The following TRPV1 variants were observed in gnomAD, a reference collection of about 807,000 sequenced individuals.
The protein encoded by TRPV1 is transient receptor potential cation channel subfamily V member 1, also known as OTRPC1.
Under a neutral mutation model 82.3 loss-of-function variants are expected in TRPV1, and 82 were observed. The observed-to-expected ratio is 1.00, with a 90% CI of 0.83 to 1.20. The LOEUF (loss-of-function observed/expected upper bound fraction) is 1.20. TRPV1 is among the 50% of genes most tolerant of loss of function. The pLI is 0.00. For synonymous variants in TRPV1, 515 were observed against 467.7 expected (o/e 1.10, Z -1.30); for missense variants, 1,067 against 1,096.8 (o/e 0.97, Z 0.38).
chr17:3,605,393 C>G (rs1179398820), intron 2 of TRPV1, among the ~76,000 whole-genome samples: 1 of 151,962 alleles, frequency 6.6e-6, no homozygotes, highest in South Asian at 2.1e-4. Context: ...ACCTGTAATC[C>G]CAGCTACTCG....
chr17:3,584,949 C>T (rs891097342), intron 9 of TRPV1, among the ~76,000 whole-genome samples: 9 of 152,184 alleles, frequency 5.9e-5, no homozygotes, highest in African/African-American at 1.9e-4. Flanking sequence ...TGGTCTTAGG[C>T]TGATTTGATG....
At chr17:3,590,486 C>G in intron 5 of TRPV1, 94 bp from the exon 6 acceptor site, 8 of 1,527,138 alleles carry the variant, frequency 5.2e-6, no homozygotes, top group Non-Finnish European at 7.0e-6. Context: ...GCAGCAGCTG[C>G]TGCAGGAGGA....
rs2074892439 is a variant in TRPV1 at position 3,573,800 on chromosome 17, C to G, written c.1936G>C (p.Gly646Arg). The G allele has an allele frequency of 1.2e-6, 2 of 1,613,694 alleles. No homozygotes were observed. Among genetic ancestry groups the G allele is most frequent in the African/African-American group, 1.3e-5 (1 of 74,848 alleles). The change falls in exon 14 of 17, where the codon GGC (glycine) becomes CGC (arginine). Residue 646 changes from glycine (G) to arginine (R), a missense_variant. Gly to Arg is a moderately radical substitution (Grantham distance 125). Coordinates refer to ENST00000572705, the MANE Select transcript of TRPV1 (RefSeq NM_080704.4). ...LELFKFTIGM[G>R]DLEFTENYDF... ...TAGTTCTCAGTGAACTCCAGGTCGCCCATGCCGATGGTGAACTTGAACAGC... is the reference window on the plus strand; with the variant it reads ...TAGTTCTCAGTGAACTCCAGGTCGCGCATGCCGATGGTGAACTTGAACAGC...
chr17:3,600,110 T>G (rs2075250239), intron 2 of TRPV1, among the ~76,000 whole-genome samples: 1 of 152,198 alleles, frequency 6.6e-6, no homozygotes, highest in African/African-American at 2.4e-5. Flanking sequence ...TGGGCACATA[T>G]AGACCCAGAA....
At chr17:3,589,312 T>C (rs1394935803) in intron 7 of TRPV1, among the ~76,000 whole-genome samples, 1 of 151,356 alleles carries the variant, frequency 6.6e-6, no homozygotes, top group Admixed American at 6.6e-5. Flanking sequence ...GTTCAAGTGA[T>C]GTTTGTGCCT....
Position 3,589,828 on chromosome 17 carries a change from T to A in TRPV1, c.1023A>T (p.Ala341=). 1.9e-6 allele frequency: 3 copies of A among 1,613,446 alleles called. No homozygotes were observed. Among genetic ancestry groups the A allele is most frequent in the Non-Finnish European group, 2.5e-6 (3 of 1,179,564 alleles). The change falls in exon 7 of 17, where the codon GCA becomes GCT. Residue 341 remains alanine (A), a synonymous_variant. Coordinates refer to ENST00000572705, the MANE Select transcript of TRPV1 (RefSeq NM_080704.4). ...TTACCCCGATCTTCCCGGTCCCAGC[T>A]GCCAGAGCCAGCGGCGTCATTCCCT... ...NKKGMTPLAL[A]AGTGKIGVLA...
At chr17:3,572,048 C>T in intron 15 of TRPV1, 74 bp downstream of exon 15, 1 of 1,556,170 alleles carries the variant, frequency 6.4e-7, no homozygotes, top group South Asian at 1.2e-5. Context: ...CATGGAGGCC[C>T]TGAGGCAGGC....
chr17:3,594,314 C>T (rs554220476), intron 2 of TRPV1, among the ~76,000 whole-genome samples: 1 of 151,606 alleles, frequency 6.6e-6, no homozygotes, highest in South Asian at 2.1e-4. Context: ...CTTCTCAAGT[C>T]CTGCATTTTC....
chr17:3,594,043 G>A (rs1486824318), intron 2 of TRPV1, among the ~76,000 whole-genome samples: 5 of 148,002 alleles, frequency 3.4e-5, no homozygotes, highest in South Asian at 4.3e-4. Flanking sequence ...CAGGAGAATC[G>A]CTTGAACCCA....
intron 9 of TRPV1, among the ~76,000 whole-genome samples, chr17:3,584,720 C>T (rs1160793148): frequency 1.3e-5 from 2 of 152,056 alleles, no homozygotes; most frequent in Admixed American, 6.6e-5. Flanking sequence ...CACTTGAACC[C>T]GGGAGGTGGA....
chr17:3,579,538 C>T (rs1417965325), intron 11 of TRPV1, among the ~76,000 whole-genome samples: 11 of 152,180 alleles, frequency 7.2e-5, no homozygotes, highest in Non-Finnish European at 1.5e-4. Context: ...TGCAATGGCG[C>T]GATCTGGGCT....
At chr17:3,586,370 G>A (rs1567667645) in intron 8 of TRPV1, among the ~76,000 whole-genome samples, 2 of 152,240 alleles carry the variant, frequency 1.3e-5, no homozygotes, top group Admixed American at 1.3e-4. Context: ...CAGGGCGGCA[G>A]GGAGGCAGGG....
In TRPV1 at chr17:3,608,360, GCCAGCATCACTA is replaced by G. The variant is rs1424817081; in HGVS notation, c.-34+55_-34+66del. On this transcript the variant is annotated intron_variant, in intron 2 of 16. Coordinates refer to ENST00000572705, the MANE Select transcript of TRPV1 (RefSeq NM_080704.4). ...GGTTTCTCTTTGGCATATCCGAACA[GCCAGCATCACTA>G]CCAGCATCACTACTCTGGTGCTTTG... 6.6e-5 allele frequency: 10 copies of G among 152,138 alleles called. 1 individual carries two copies. Among genetic ancestry groups the G allele is most frequent in the Admixed American group, 2.0e-4 (3 of 15,262 alleles). 9.4% of individuals were successfully genotyped at this position (152,138 alleles called of 1,614,324 possible). A position where few individuals can be genotyped will look rare whatever the true frequency, so the allele number is the denominator to read the frequency against.
chr17:3,591,978 A>G, intron 3 of TRPV1, 89 bp downstream of exon 3: 1 of 1,496,826 alleles, frequency 6.7e-7, no homozygotes, highest in Admixed American at 2.2e-5. Context: ...TGGCTTTGTG[A>G]CATTTAGCCC....
At chr17:3,609,227 G>C (rs1333478419) in intron 1 of TRPV1, 82 bp downstream of exon 1, 1 of 152,114 alleles carries the variant, frequency 6.6e-6, no homozygotes. Context: ...AGAGTGATCA[G>C]GCATTTGCTC....
chr17:3,590,447 G>A (rs950430764), intron 5 of TRPV1, 55 bp from the exon 6 acceptor site: 6 of 1,594,316 alleles, frequency 3.8e-6, no homozygotes, highest in Non-Finnish European at 5.1e-6. Context: ...GGGCTGCCGG[G>A]ACAGGTGCTG....
Position 3,589,798 on chromosome 17 carries a change from C to G in TRPV1, c.1044+9G>C. On this transcript the variant is annotated intron_variant, in intron 7 of 16. Transcript: ENST00000572705. ...CACCGCACCAGCCTGAGCCGAAGCC[C>G]CCTCTTACCCCGATCTTCCCGGTCC... is the stretch of plus-strand genomic sequence containing the variant. 1 of 1,604,294 alleles carries G rather than the reference C, an allele frequency of 6.2e-7. No individual in the cohort carries two copies. The highest frequency in any genetic ancestry group is 8.5e-7 in the Non-Finnish European group (1 of 1,174,614).
chr17:3,567,476 T>C (rs1265740456), intron 16 of TRPV1, among the ~76,000 whole-genome samples: 1 of 150,844 alleles, frequency 6.6e-6, no homozygotes, highest in Non-Finnish European at 1.5e-5. Flanking sequence ...TGCAATGTCC[T>C]CCTCCCTCAA....
rs1375586798 is a variant in TRPV1, at chr17:3,588,845, G to A, written c.1045-478C>T. The A allele has an allele frequency of 1.5e-5, 19 of 1,261,262 alleles. No homozygotes were observed. In the African/African-American group the frequency reaches 1.5e-4, roughly 10 times the overall value. 78.1% of individuals were successfully genotyped at this position (1,261,262 alleles called of 1,614,324 possible). The stretch of plus-strand genomic sequence containing the variant: ...AAAAAAAAAAACAAAACACACAAAC[G>A]TCAACCAGCCAGCTGCCTCAGATAC... On this transcript the variant is annotated intron_variant, in intron 7 of 16. Coordinates refer to ENST00000572705, the MANE Select transcript of TRPV1 (RefSeq NM_080704.4).
Sources: allele counts gnomAD v4.1 joint callset (sites outside exome capture counted in the v4.1 genomes callset), GRCh38; gene constraint gnomAD v4.1.1; transcripts MANE v1.5; gene names NCBI Gene and HGNC (gene_info 2026-07-23, HGNC 2026-07-21).